SNX24: variants seen among roughly 807,000 people sequenced by gnomAD.
The protein encoded by SNX24 is sorting nexin 24, also known as sorting nexin-24.
Under a neutral mutation model 28.7 loss-of-function variants are expected in SNX24, and 22 were observed. The ratio of observed to expected loss-of-function variants is 0.77; its 90% confidence interval spans 0.55 to 1.10. The LOEUF is 1.10. Among genes scored for constraint, SNX24 ranks in the 50% least tolerant of loss-of-function variants. The pLI, the probability that SNX24 is intolerant of heterozygous loss-of-function variation, is 0.00. For missense variants in SNX24, 221 were observed against 201.1 expected, an observed-to-expected ratio of 1.10 and a Z score of -0.60; for synonymous variants, 69 against 71.5, an observed-to-expected ratio of 0.96 and a Z score of 0.18.
At chr5:122,957,460 G>A (rs1053436811) in intron 3 of SNX24, among the ~76,000 whole-genome samples, 4 of 152,160 alleles carry the variant, frequency 2.6e-5, no homozygotes, top group Admixed American at 6.5e-5. Context: ...GAGTCTTCCA[G>A]CTATGTTTTT....
intron 3 of SNX24, among the ~76,000 whole-genome samples, chr5:122,981,608 G>GT (rs1761395097): frequency 6.6e-6 from 1 of 152,178 alleles, no homozygotes; most frequent in Non-Finnish European, 1.5e-5. Flanking sequence ...TGTCTGTACA[G>GT]TTTAAGAAAT....
intron 1 of SNX24, among the ~76,000 whole-genome samples, chr5:122,914,990 AC>A (rs1758096762): frequency 6.6e-6 from 1 of 152,112 alleles, no homozygotes; most frequent in Non-Finnish European, 1.5e-5. Flanking sequence ...AGGAAGTGCT[AC>A]TAACAGATGC....
intron 6 of SNX24, among the ~76,000 whole-genome samples, chr5:123,006,107 A>AT (rs1232318620): frequency 6.6e-6 from 1 of 152,364 alleles, no homozygotes; most frequent in South Asian, 2.1e-4. Flanking sequence ...TCACACAGGT[A>AT]TTAAGTGGTC....
chr5:122,860,294 G>T (rs1325573668), intron 1 of SNX24, among the ~76,000 whole-genome samples: 1 of 149,810 alleles, frequency 6.7e-6, no homozygotes, highest in Non-Finnish European at 1.5e-5. Flanking sequence ...ATGACTCCCA[G>T]ACCGCTTAGA....
At chr5:122,890,056 G>C (rs909981511) in intron 1 of SNX24, among the ~76,000 whole-genome samples, 1 of 151,988 alleles carries the variant, frequency 6.6e-6, no homozygotes, top group Non-Finnish European at 1.5e-5. Flanking sequence ...AAAGAGACAG[G>C]CCAGTTGAGA....
At chr5:122,914,949 T>A (rs1280254988) in intron 1 of SNX24, among the ~76,000 whole-genome samples, 1 of 152,184 alleles carries the variant, frequency 6.6e-6, no homozygotes, top group African/African-American at 2.4e-5. Flanking sequence ...CCTGACCACT[T>A]TTCCTTAGGT....
At chr5:122,927,981 A>T (rs148443801) in intron 1 of SNX24, among the ~76,000 whole-genome samples, 5 of 152,114 alleles carry the variant, frequency 3.3e-5, no homozygotes, top group Non-Finnish European at 7.4e-5. Context: ...CAAAAACCTC[A>T]CCATTGCATT....
chr5:123,021,965 A>G (rs45559935), intron 5 of SNX24, among the ~76,000 whole-genome samples: 2,454 of 152,206 alleles, frequency 0.016, 60 homozygotes, highest in African/African-American at 0.042. Flanking sequence ...CAGAGGCCCA[A>G]GAGAACCAAG....
chr5:122,892,771 A>T (rs988786729), intron 1 of SNX24, among the ~76,000 whole-genome samples: 17 of 148,674 alleles, frequency 1.1e-4, no homozygotes, highest in Non-Finnish European at 2.4e-4. Context: ...TAATTAATTA[A>T]TTTTTATTTT....
In SNX24 at chr5:122,877,057, G is replaced by A. The variant is rs137972985; in HGVS notation, c.60+31364G>A. Among the ~76,000 whole-genome samples the A allele has an allele frequency of 2.8e-3, 431 of 152,230 alleles. 2 individuals carry two copies. Among genetic ancestry groups the A allele is most frequent in the African/African-American group, 9.7e-3 (404 of 41,534 alleles). On this transcript the variant is annotated intron_variant, in intron 1 of 6. Coordinates refer to ENST00000261369, the MANE Select transcript of SNX24 (RefSeq NM_014035.4). ...TTGTTCTTTGTCCTCCTGGAGGGTG[G>A]GCATCTGCCATTGTTGAAGCTGTCA...
Position 122,894,537 on chromosome 5 carries a change from G to A in SNX24, c.61-42197G>A, listed in dbSNP as rs1266578129. Among the ~76,000 whole-genome samples the A allele has an allele frequency of 3.3e-5, 5 of 152,216 alleles. No individual in the cohort carries two copies. In the East Asian group the frequency reaches 9.6e-4, roughly 29 times the overall value. Reference sequence around the variant, plus strand: ...GTGTGACTGAACCATCATTTATCCAGTCAGTCTCCTTTGGATAGGCATTGG... The same window carrying A: ...GTGTGACTGAACCATCATTTATCCAATCAGTCTCCTTTGGATAGGCATTGG... On this transcript the variant is annotated intron_variant, in intron 1 of 6. Coordinates refer to ENST00000261369, the MANE Select transcript of SNX24 (RefSeq NM_014035.4).
chr5:122,849,194 A>T (rs1457949298), intron 1 of SNX24, among the ~76,000 whole-genome samples: 1 of 152,200 alleles, frequency 6.6e-6, no homozygotes, highest in Non-Finnish European at 1.5e-5. Context: ...GTTTATACAA[A>T]TTTATTCTCA....
intron 3 of SNX24, chr5:122,982,989 C>T (rs990855554): frequency 1.3e-5 from 2 of 151,768 alleles, no homozygotes; most frequent in Non-Finnish European, 2.9e-5. Flanking sequence ...GCAGGCTATC[C>T]GTAGTTATTG....
chr5:122,872,472 C>T (rs530155842), intron 1 of SNX24, among the ~76,000 whole-genome samples: 3 of 152,138 alleles, frequency 2.0e-5, no homozygotes, highest in Admixed American at 6.5e-5. Flanking sequence ...TTTGTAAGTA[C>T]GGCCATCCCT....
intron 3 of SNX24, among the ~76,000 whole-genome samples, chr5:122,951,246 G>A (rs560363031): frequency 4.1e-5 from 5 of 122,538 alleles, no homozygotes; most frequent in African/African-American, 6.4e-5. Flanking sequence ...CAGCCTGGGC[G>A]ACAGAGTGAG....
chr5:122,965,547 A>T (rs549257712), intron 3 of SNX24: 57 of 436,052 alleles, frequency 1.3e-4, no homozygotes, highest in South Asian at 9.1e-4. Context: ...TGCCTTTTAT[A>T]AGAGAAATTG....
At position 122,911,479 on chromosome 5, in the gene SNX24, T is replaced by A. The variant is rs1346475855; in HGVS notation, c.61-25255T>A. ...GCAGAAGCTCTTTAGTTTAATTAGA[T>A]CCCATTTGTCAATTTTGGCTTTTGT... On this transcript the variant is annotated intron_variant, in intron 1 of 6. Coordinates refer to ENST00000261369, the MANE Select transcript of SNX24 (RefSeq NM_014035.4). 2.1e-4 allele frequency among the ~76,000 whole-genome samples: 32 copies of A among 151,692 alleles called. No individual in the cohort carries two copies. The East Asian group carries it at 6.2e-3, about 29-fold the overall frequency.
chr5:122,975,169 C>T (rs1174795203), intron 3 of SNX24, among the ~76,000 whole-genome samples: 1 of 152,170 alleles, frequency 6.6e-6, no homozygotes, highest in African/African-American at 2.4e-5. Flanking sequence ...TCTGTTATAG[C>T]TCTTATGGTA....
At chr5:122,931,377 A>G (rs1758946779) in intron 1 of SNX24, among the ~76,000 whole-genome samples, 1 of 152,208 alleles carries the variant, frequency 6.6e-6, no homozygotes, top group Admixed American at 6.5e-5. Flanking sequence ...TAAAAACTAT[A>G]TGTGTTGTGA....
Sources: gnomAD v4.1 joint callset for allele counts (sites outside exome capture counted in the v4.1 genomes callset) on GRCh38, gnomAD v4.1.1 for gene constraint, MANE v1.5 for transcripts, NCBI Gene and HGNC (gene_info 2026-07-23, HGNC 2026-07-21) for gene names.